PSMB7: variants seen among roughly 807,000 people sequenced by gnomAD.
The protein encoded by PSMB7 is proteasome 20S subunit beta 7, also known as proteasome subunit beta type-7.
A neutral mutation model predicts 28.1 loss-of-function variants in PSMB7; 5 were observed. That is an observed-to-expected ratio of 0.18 (90% confidence interval 0.09 to 0.37). PSMB7 has a LOEUF of 0.37. Among genes scored for constraint, PSMB7 ranks in the 10% least tolerant of loss-of-function variants. PSMB7 has a pLI of 1.00. For synonymous variants in PSMB7, 122 were observed against 123.7 expected (o/e 0.99, Z 0.09); for missense variants, 275 against 346.2 (o/e 0.79, Z 1.63).
intron 6 of PSMB7, among the ~76,000 whole-genome samples, chr9:124,375,770 G>A (rs1830605051): frequency 1.3e-5 from 2 of 152,154 alleles, no homozygotes; most frequent in South Asian, 4.1e-4. Context: ...ATGCCAACAG[G>A]GTTCAAGTTG....
chr9:124,361,429 A>C (rs1219802097), intron 6 of PSMB7, among the ~76,000 whole-genome samples: 3 of 152,240 alleles, frequency 2.0e-5, no homozygotes, highest in Non-Finnish European at 4.4e-5. Flanking sequence ...GCTTGAGGGG[A>C]CAAAACAGAC....
chr9:124,400,278 C>A (rs186644343), intron 5 of PSMB7, among the ~76,000 whole-genome samples: 1 of 152,350 alleles, frequency 6.6e-6, no homozygotes, highest in African/African-American at 2.4e-5. Flanking sequence ...TTCCCACTTT[C>A]ACCCATCAGA....
intron 3 of PSMB7, among the ~76,000 whole-genome samples, 162 bp downstream of exon 3, chr9:124,413,746 C>T (rs1319597665): frequency 6.6e-6 from 1 of 152,144 alleles, no homozygotes; most frequent in Admixed American, 6.5e-5. Flanking sequence ...AAAGAGAGGA[C>T]TTGAAGTTAC....
chr9:124,389,042 T>C (rs1341429711), intron 5 of PSMB7, among the ~76,000 whole-genome samples: 2 of 152,088 alleles, frequency 1.3e-5, no homozygotes, highest in African/African-American at 2.4e-5. Context: ...CAAAAAAAAC[T>C]CTAAGCTGCC....
chr9:124,408,402 A>G (rs919762605), intron 4 of PSMB7, among the ~76,000 whole-genome samples: 1 of 152,198 alleles, frequency 6.6e-6, no homozygotes, highest in African/African-American at 2.4e-5. Context: ...ATACCTAATA[A>G]TACCTTAAAT....
chr9:124,377,833 G>A (rs145097285), intron 6 of PSMB7, among the ~76,000 whole-genome samples: 193 of 152,226 alleles, frequency 1.3e-3, no homozygotes, highest in African/African-American at 4.3e-3. Flanking sequence ...CTCATCCCTC[G>A]GTATTGCAAC....
At chr9:124,357,773 C>G (rs1315694581) in intron 6 of PSMB7, among the ~76,000 whole-genome samples, 1 of 152,164 alleles carries the variant, frequency 6.6e-6, no homozygotes, top group Non-Finnish European at 1.5e-5. Flanking sequence ...TCCCTGCCCC[C>G]TAGGGGCTTA....
intron 2 of PSMB7, 48 bp from the exon 3 acceptor site, chr9:124,414,053 C>A: frequency 2.5e-6 from 3 of 1,215,496 alleles, no homozygotes; most frequent in Non-Finnish European, 3.6e-6. Flanking sequence ...ATAAGCCAAC[C>A]GCAACTCTCT....
intron 5 of PSMB7, among the ~76,000 whole-genome samples, chr9:124,404,164 C>T (rs1830940105): frequency 1.3e-5 from 2 of 152,096 alleles, no homozygotes; most frequent in Non-Finnish European, 1.5e-5. Context: ...CACTAGATTA[C>T]AGGCATGAGC....
rs947608477 is a variant in PSMB7, at chr9:124,399,726, A to C, written c.511+5591T>G. Among the ~76,000 whole-genome samples, 16 of 152,228 alleles carry C rather than the reference A, an allele frequency of 1.1e-4. No homozygotes were observed. In the East Asian group the frequency reaches 2.1e-3, roughly 20 times the overall value. On this transcript the variant is annotated intron_variant, in intron 5 of 7. Coordinates refer to ENST00000259457, the MANE Select transcript of PSMB7 (RefSeq NM_002799.4). ...GAGAGAATGACGACAGAAACCCAGG[A>C]TGTGGCCCAGGGGTTAGCTGCTGTC...
intron 3 of PSMB7, among the ~76,000 whole-genome samples, chr9:124,413,177 A>G (rs1241998096): frequency 6.8e-6 from 1 of 146,294 alleles, no homozygotes; most frequent in Admixed American, 6.9e-5. Flanking sequence ...AAAAAAAAAG[A>G]ACGAAAAAAA....
intron 5 of PSMB7, among the ~76,000 whole-genome samples, chr9:124,385,095 T>C (rs573889948): frequency 3.3e-5 from 5 of 152,380 alleles, no homozygotes; most frequent in African/African-American, 1.2e-4. Flanking sequence ...ATTGTTTTAA[T>C]GAGCTGGCCC....
chr9:124,381,110 T>C lies in PSMB7; in HGVS notation c.570+3488A>G, dbSNP rs188749659. On this transcript the variant is annotated intron_variant, in intron 6 of 7. Coordinates refer to ENST00000259457, the MANE Select transcript of PSMB7 (RefSeq NM_002799.4). ...TTTTCCACTTACAGACCCTCTCAAC[T>C]GACATTTCAAACGCTCGATAACCAC... Among the ~76,000 whole-genome samples, 38 of 152,318 alleles carry C rather than the reference T, an allele frequency of 2.5e-4. No homozygotes were observed. The South Asian group carries it at 3.5e-3, about 14-fold the overall frequency.
chr9:124,391,043 G>A (rs1371710149), intron 5 of PSMB7, among the ~76,000 whole-genome samples: 2 of 152,228 alleles, frequency 1.3e-5, no homozygotes, highest in African/African-American at 2.4e-5. Context: ...AGTCCTCTGA[G>A]CGTTTCAGCA....
chr9:124,383,908 A>C (rs948536973), intron 6 of PSMB7: 1 of 152,192 alleles, frequency 6.6e-6, no homozygotes, highest in Non-Finnish European at 1.5e-5. Context: ...AGGCATATTC[A>C]ACATTCCTGC....
At position 124,353,661 on chromosome 9, in the gene PSMB7, C is replaced by G; in HGVS notation, c.771G>C (p.Glu257Asp). ...CCTCAATCTCCAGAGGAGTGATTTT[C>G]TCAGTGAGGACTGCAGTAGTCCCTT... Reference protein sequence around the residue: ...CEKGTTAVLTEKITPLEIEVL... With the variant: ...CEKGTTAVLTDKITPLEIEVL... The change falls in exon 8 of 8, where the codon GAG (glutamate) becomes GAC (aspartate). Residue 257 changes from glutamate (E) to aspartate (D), a missense_variant. Transcript: ENST00000259457. 1 of 1,614,104 alleles carries G rather than the reference C, an allele frequency of 6.2e-7. No homozygotes were observed. The highest frequency in any genetic ancestry group is 8.5e-7 in the Non-Finnish European group (1 of 1,179,970).
chr9:124,392,906 G>A (rs560470175), intron 5 of PSMB7, among the ~76,000 whole-genome samples: 4 of 152,232 alleles, frequency 2.6e-5, no homozygotes, highest in African/African-American at 7.2e-5. Context: ...AGATGTATGC[G>A]GCGATAACAG....
Position 124,387,923 on chromosome 9 carries a change from G to C in PSMB7, c.512-3267C>G, listed in dbSNP as rs1830742954. Among the ~76,000 whole-genome samples, 3 of 151,648 alleles carry C rather than the reference G, an allele frequency of 2.0e-5. No homozygotes were observed. The South Asian group carries it at 6.2e-4, about 31-fold the overall frequency. ...AAAAAAAGATGGTAAACTCAGGCCA[G>C]TATTCTTTAAAGATAATTTCATTCA... On this transcript the variant is annotated intron_variant, in intron 5 of 7. Transcript: ENST00000259457.
intron 3 of PSMB7, among the ~76,000 whole-genome samples, chr9:124,413,407 A>C (rs1185198144): frequency 6.6e-6 from 1 of 152,004 alleles, no homozygotes; most frequent in African/African-American, 2.4e-5. Flanking sequence ...AGGCCACAGA[A>C]TTTTGATTTT....
Sources: gnomAD v4.1 joint callset for allele counts (sites outside exome capture counted in the v4.1 genomes callset) on GRCh38, gnomAD v4.1.1 for gene constraint, MANE v1.5 for transcripts, NCBI Gene and HGNC (gene_info 2026-07-23, HGNC 2026-07-21) for gene names.